The following ARHGEF28 variants were observed in gnomAD, a reference collection of about 807,000 sequenced individuals.
ARHGEF28 encodes Rho guanine nucleotide exchange factor 28.
In ARHGEF28, 152 loss-of-function variants were observed where a neutral mutation model predicts 206.6. The observed-to-expected ratio is 0.74, with a 90% CI of 0.64 to 0.84. The LOEUF is 0.84. Among genes scored for constraint, ARHGEF28 ranks in the 40% least tolerant of loss-of-function variants. The pLI is 0.00. For missense variants in ARHGEF28, 2,028 were observed against 2,073.2 expected, an observed-to-expected ratio of 0.98 and a Z score of 0.42; for synonymous variants, 763 against 776.4, an observed-to-expected ratio of 0.98 and a Z score of 0.29.
chr5:73,653,925 G>T (rs1490593858), intron 1 of ARHGEF28, among the ~76,000 whole-genome samples: 1 of 152,224 alleles, frequency 6.6e-6, no homozygotes, highest in Admixed American at 6.5e-5. Context: ...GCCACCCTGG[G>T]TAGAATGAGT....
chr5:73,919,911 A>G (rs1763427058), intron 35 of ARHGEF28, among the ~76,000 whole-genome samples: 1 of 152,226 alleles, frequency 6.6e-6, no homozygotes, highest in Admixed American at 6.5e-5. Flanking sequence ...CCCACTAGAG[A>G]GGAAGCTTCA....
At chr5:73,792,958 T>C (rs1280622630) in intron 7 of ARHGEF28, among the ~76,000 whole-genome samples, 2 of 152,124 alleles carry the variant, frequency 1.3e-5, no homozygotes, top group African/African-American at 4.8e-5. Context: ...GGATGTGCAT[T>C]TAAAGGCCGG....
rs79202732 is a variant in ARHGEF28 at position 73,780,832 on chromosome 5, C to T, written c.910+87C>T. ...AGTCCGTTGAAGTGTGTGGTGAAGC[C>T]GGCCAGGAATCAAGGGGCTCAGAGG... On this transcript the variant is annotated intron_variant, in intron 7 of 35. Coordinates refer to ENST00000513042, the MANE Select transcript of ARHGEF28 (RefSeq NM_001177693.2). 2.1e-3 allele frequency: 3,000 copies of T among 1,440,832 alleles called. 45 individuals are homozygous for T. In the African/African-American group the frequency reaches 0.034, roughly 16 times the overall value. 89.3% of individuals were successfully genotyped at this position (1,440,832 alleles called of 1,614,324 possible).
At chr5:73,756,748 T>C (rs1368159080) in intron 4 of ARHGEF28, among the ~76,000 whole-genome samples, 1 of 152,200 alleles carries the variant, frequency 6.6e-6, no homozygotes, top group African/African-American at 2.4e-5. Flanking sequence ...AATTGGGCAT[T>C]TAGATGAATA....
At chr5:73,880,328 G>T (rs1289495321) in intron 22 of ARHGEF28, among the ~76,000 whole-genome samples, 2 of 152,202 alleles carry the variant, frequency 1.3e-5, no homozygotes, top group Non-Finnish European at 2.9e-5. Context: ...GGTGCCGTCT[G>T]TCACCCCTTT....
rs1056356151 is a variant in ARHGEF28 at position 73,684,837 on chromosome 5, G to A, written c.-11-4G>A. The A allele has an allele frequency of 7.5e-6, 12 of 1,605,858 alleles. No homozygotes were observed. The Admixed American group carries it at 1.5e-4, about 20-fold the overall frequency. On this transcript the variant is annotated splice_region_variant and splice_polypyrimidine_tract_variant and intron_variant, in intron 1 of 35. Coordinates refer to ENST00000513042, the MANE Select transcript of ARHGEF28 (RefSeq NM_001177693.2). ...ACTTCTCTTGTTTATTATTTTCATT[G>A]CAGATGCGAAAGCCATGGAGTTGAG...
At chr5:73,822,799 A>G (rs1281181864) in intron 9 of ARHGEF28, among the ~76,000 whole-genome samples, 1 of 151,728 alleles carries the variant, frequency 6.6e-6, no homozygotes, top group Non-Finnish European at 1.5e-5. Flanking sequence ...AATTTGTTTC[A>G]TTTTTTTTGT....
intron 4 of ARHGEF28, 79 bp from the exon 5 acceptor site, chr5:73,773,776 C>A: frequency 1.5e-6 from 2 of 1,291,074 alleles, no homozygotes; most frequent in Non-Finnish European, 1.0e-6. Flanking sequence ...TGTCTAAATA[C>A]ACTGTCCCTT....
At position 73,857,712 on chromosome 5, in the gene ARHGEF28, A is replaced by G; in HGVS notation, c.1847A>G (p.Lys616Arg). The change falls in exon 15 of 36, where the codon AAA becomes AGA. Residue 616 changes from lysine (K) to arginine (R), a missense_variant. Physicochemically the swap from Lys to Arg is conservative, Grantham distance 26 (BLOSUM62 2). Around this residue, in one of 3 missense-constraint regions of ARHGEF28, gnomAD observed 1,002 missense variants for 1,015.3 expected, o/e 0.99. Transcript: ENST00000513042. The stretch of plus-strand genomic sequence containing the variant: ...ATACCTGCCAAATCAGAGTCTGAAA[A>G]ATATAAAGTGAGTCGAACTTTCAGT... ...YIIPAKSESE[K>R]YKVSRTFSFL... 6.2e-7 allele frequency: 1 copy of G among 1,611,092 alleles called. No individual in the cohort carries two copies.
At chr5:73,791,766 T>G (rs1754497479) in intron 7 of ARHGEF28, among the ~76,000 whole-genome samples, 1 of 152,170 alleles carries the variant, frequency 6.6e-6, no homozygotes, top group Non-Finnish European at 1.5e-5. Context: ...TATCTCTTGT[T>G]CCATTATAGT....
At chr5:73,739,296 T>TA (rs1280731514) in intron 2 of ARHGEF28, among the ~76,000 whole-genome samples, 2 of 152,186 alleles carry the variant, frequency 1.3e-5, no homozygotes, top group African/African-American at 4.8e-5. Context: ...TGGTAAATAA[T>TA]AAATTTAAGT....
intron 2 of ARHGEF28, among the ~76,000 whole-genome samples, chr5:73,735,937 T>A (rs1249047057): frequency 6.6e-6 from 1 of 152,184 alleles, no homozygotes; most frequent in Non-Finnish European, 1.5e-5. Flanking sequence ...GACCTGTTAC[T>A]CCCTCTCCCA....
chr5:73,903,038 A>G (rs140150268), intron 31 of ARHGEF28: 23 of 152,294 alleles, frequency 1.5e-4, no homozygotes, highest in African/African-American at 5.5e-4. Context: ...TTTAAGCTTC[A>G]TCTCCATTTT....
intron 10 of ARHGEF28, among the ~76,000 whole-genome samples, chr5:73,839,690 C>T (rs867645885): frequency 6.6e-6 from 1 of 152,166 alleles, no homozygotes; most frequent in Admixed American, 6.6e-5. Flanking sequence ...CCTTACCCTC[C>T]GCAGAGTCTT....
chr5:73,895,223 A>G (rs1018548473), intron 29 of ARHGEF28, among the ~76,000 whole-genome samples: 1 of 152,156 alleles, frequency 6.6e-6, no homozygotes, highest in African/African-American at 2.4e-5. Flanking sequence ...TGAAGTGCAG[A>G]TGTTGGTAAT....
chr5:73,776,525 C>T lies in ARHGEF28; in HGVS notation c.669C>T (p.Gly223=). ...KLVEDVTNFQ[G]RWSPSFSRVQ... is the part of the protein sequence containing the mutation. ...ATTTGTGTTGTTTCAGTTTTCAGGG[C>T]AGATGGTCCCCAAGCTTCTCCCGAG... Residue 223 remains glycine (G), a synonymous_variant, in exon 6 of 36, where the codon GGC becomes GGT. Transcript: ENST00000513042. 1 of 1,610,172 alleles carries T rather than the reference C, an allele frequency of 6.2e-7. No individual in the cohort carries two copies. The highest frequency in any genetic ancestry group is 1.3e-5 in the African/African-American group (1 of 74,988).
At chr5:73,706,653 T>A (rs1748954717) in intron 2 of ARHGEF28, among the ~76,000 whole-genome samples, 2 of 152,202 alleles carry the variant, frequency 1.3e-5, no homozygotes, top group African/African-American at 4.8e-5. Flanking sequence ...TGATACTTAG[T>A]TTTATATTTA....
At chr5:73,753,858 T>TG (rs1011263719) in intron 4 of ARHGEF28, among the ~76,000 whole-genome samples, 5 of 152,270 alleles carry the variant, frequency 3.3e-5, no homozygotes, top group Admixed American at 1.3e-4. Context: ...TTTTGAGAGA[T>TG]GGGGTCTCAC....
intron 21 of ARHGEF28, among the ~76,000 whole-genome samples, chr5:73,871,415 T>TA (rs1273515859): frequency 6.6e-6 from 1 of 152,172 alleles, no homozygotes; most frequent in Non-Finnish European, 1.5e-5. Context: ...GATTTCCAAT[T>TA]AAAGAAATTT....
Sources: allele counts gnomAD v4.1 joint callset (sites outside exome capture counted in the v4.1 genomes callset), GRCh38; gene constraint gnomAD v4.1.1; regional missense constraint gnomAD v4.1.1; transcripts MANE v1.5; gene names NCBI Gene and HGNC (gene_info 2026-07-23, HGNC 2026-07-21).